Variants in PSD3 observed in about 807,000 individuals in gnomAD.
The protein encoded by PSD3 is PH and SEC7 domain-containing protein 3.
PSD3 carries 49 observed loss-of-function variants against 105.5 expected under a neutral mutation model. The ratio of observed to expected loss-of-function variants is 0.46; its 90% CI spans 0.37 to 0.59. The LOEUF (loss-of-function observed/expected upper bound fraction) is 0.59, where lower values mean the gene tolerates loss of function less well. PSD3 is among the 20% of genes least tolerant of loss of function. PSD3 has a pLI of 0.00. For missense variants in PSD3, 1,561 were observed against 1,263.8 expected (o/e 1.24, Z -3.57); for synonymous variants, 557 against 457.8 (o/e 1.22, Z -2.77).
intron 1 of PSD3, among the ~76,000 whole-genome samples, chr8:19,054,170 A>G (rs900995632): frequency 6.6e-6 from 1 of 152,180 alleles, no homozygotes; most frequent in Non-Finnish European, 1.5e-5. Context: ...TGGAAGCTAC[A>G]TGTTGAATTG....
At chr8:18,844,832 C>A (rs558065078) in intron 4 of PSD3, among the ~76,000 whole-genome samples, 1 of 152,190 alleles carries the variant, frequency 6.6e-6, no homozygotes, top group Non-Finnish European at 1.5e-5. Flanking sequence ...GAATAAGCTA[C>A]TCTGCATAGC....
At chr8:18,867,632 C>T (rs1446387318) in intron 4 of PSD3, 42 bp downstream of exon 4, 1 of 1,539,010 alleles carries the variant, frequency 6.5e-7, no homozygotes, top group Non-Finnish European at 8.7e-7. Flanking sequence ...AGAAATCCTA[C>T]AAAAACCACC....
chr8:18,681,796 C>T (rs771993663), intron 9 of PSD3, among the ~76,000 whole-genome samples: 1 of 151,928 alleles, frequency 6.6e-6, no homozygotes, highest in Non-Finnish European at 1.5e-5. Flanking sequence ...ACTAGATAAT[C>T]CTAAAAATAT....
At chr8:19,007,224 C>A (rs1304665317) in intron 1 of PSD3, among the ~76,000 whole-genome samples, 4 of 151,056 alleles carry the variant, frequency 2.6e-5, no homozygotes, top group African/African-American at 9.7e-5. Context: ...TGCACTCCAG[C>A]CTTGGCGACA....
At chr8:18,752,772 G>A (rs902568953) in intron 9 of PSD3, among the ~76,000 whole-genome samples, 5 of 143,264 alleles carry the variant, frequency 3.5e-5, no homozygotes, top group Admixed American at 7.5e-5. Context: ...ATAACCTTTC[G>A]AGATACGATT....
chr8:19,042,450 A>C lies in PSD3; in HGVS notation c.324+41756T>G, dbSNP rs186362383. 3.0e-3 allele frequency among the ~76,000 whole-genome samples: 451 copies of C among 152,356 alleles called. 8 individuals carry two copies. The highest frequency in any genetic ancestry group is 0.028 in the Admixed American group (425 of 15,302). ...AGGTCCATTATATAGAAAGTAAAGAAAATGATATGTAACAGAAGAACGTTA... is the reference window on the plus strand; with the variant it reads ...AGGTCCATTATATAGAAAGTAAAGACAATGATATGTAACAGAAGAACGTTA... On this transcript the variant is annotated intron_variant, in intron 1 of 1. Coordinates refer to the PSD3 transcript ENST00000521475.
chr8:18,613,765 T>C (rs1035820010), intron 11 of PSD3, among the ~76,000 whole-genome samples: 1 of 152,168 alleles, frequency 6.6e-6, no homozygotes, highest in Non-Finnish European at 1.5e-5. Context: ...CCTGCACCAC[T>C]GGCAACCTTG....
chr8:18,818,392 C>T (rs1030428720), intron 4 of PSD3, among the ~76,000 whole-genome samples: 1 of 151,804 alleles, frequency 6.6e-6, no homozygotes, highest in African/African-American at 2.4e-5. Flanking sequence ...TCTTACTTTG[C>T]CCTTTGATTT....
chr8:18,985,180 C>T (rs568571015), intron 1 of PSD3, among the ~76,000 whole-genome samples: 1 of 152,134 alleles, frequency 6.6e-6, no homozygotes, highest in Non-Finnish European at 1.5e-5. Flanking sequence ...ATGATCTGCC[C>T]GCCTTGACCT....
chr8:18,574,994 C>A, intron 13 of PSD3, 134 bp downstream of exon 13: 1 of 838,174 alleles, frequency 1.2e-6, no homozygotes. Flanking sequence ...GCAGTTATTT[C>A]TCTAATGTAA....
chr8:18,939,212 C>T lies in PSD3; in HGVS notation c.22-3070G>A, dbSNP rs141508746. On this transcript the variant is annotated intron_variant, in intron 1 of 15. Coordinates refer to ENST00000327040, the MANE Select transcript of PSD3 (RefSeq NM_015310.4). Reference sequence around the variant, plus strand: ...GAGCAAGGATTCTTAACCTCAGGTCCGTGGGGAAGCAATTGCCAATCAAGA... The same window carrying T: ...GAGCAAGGATTCTTAACCTCAGGTCTGTGGGGAAGCAATTGCCAATCAAGA... Among the ~76,000 whole-genome samples the T allele has an allele frequency of 3.9e-3, 601 of 152,204 alleles. 4 individuals carry two copies. Among genetic ancestry groups the T allele is most frequent in the Middle Eastern group, 0.014 (4 of 294 alleles).
intron 2 of PSD3, among the ~76,000 whole-genome samples, chr8:18,919,924 G>A (rs552340872): frequency 1.2e-4 from 18 of 149,234 alleles, no homozygotes; most frequent in Non-Finnish European, 2.4e-4. Flanking sequence ...TGGGTGCAGC[G>A]CACCAGCACG....
At chr8:19,011,997 G>C (rs1826974121) in intron 1 of PSD3, among the ~76,000 whole-genome samples, 1 of 152,198 alleles carries the variant, frequency 6.6e-6, no homozygotes. Context: ...GGTAGGGCTA[G>C]AAGGCTCTGA....
intron 1 of PSD3, among the ~76,000 whole-genome samples, chr8:19,045,684 A>C (rs970937777): frequency 2.0e-5 from 3 of 152,220 alleles, no homozygotes; most frequent in African/African-American, 7.2e-5. Flanking sequence ...AGGGGAAGGA[A>C]ATCCTAGAAA....
chr8:18,571,457 C>T (rs562016052), intron 14 of PSD3, among the ~76,000 whole-genome samples: 1 of 152,288 alleles, frequency 6.6e-6, no homozygotes, highest in African/African-American at 2.4e-5. Context: ...TCCTCCTTCA[C>T]CTCCAAGGCC....
intron 9 of PSD3, among the ~76,000 whole-genome samples, chr8:18,762,451 T>A (rs1490270315): frequency 6.6e-6 from 1 of 152,200 alleles, no homozygotes; most frequent in Non-Finnish European, 1.5e-5. Context: ...GTATCAGGTA[T>A]TTGTTTGCAG....
At chr8:19,077,518 C>A (rs1156979676) in intron 1 of PSD3, among the ~76,000 whole-genome samples, 1 of 152,168 alleles carries the variant, frequency 6.6e-6, no homozygotes, top group Admixed American at 6.5e-5. Flanking sequence ...CTGACAACGT[C>A]AACTCCATGT....
intron 2 of PSD3, among the ~76,000 whole-genome samples, chr8:18,874,829 G>A (rs1461221062): frequency 3.3e-5 from 5 of 151,808 alleles, no homozygotes; most frequent in South Asian, 2.1e-4. Flanking sequence ...TTGAACACAC[G>A]GTATCCCCCA....
At position 18,933,227 on chromosome 8, in the gene PSD3, T is replaced by C. The variant is rs1182290703; in HGVS notation, c.130+2807A>G. On this transcript the variant is annotated intron_variant, in intron 2 of 15. Coordinates refer to ENST00000327040, the MANE Select transcript of PSD3 (RefSeq NM_015310.4). ...AAAGGTTTAAGGTGTCATTTTGGTT[T>C]GCCTCGGCTATGATATATCTGAGCT... 2.0e-5 allele frequency among the ~76,000 whole-genome samples: 3 copies of C among 152,216 alleles called. No individual in the cohort carries two copies. The East Asian group carries it at 5.8e-4, about 29-fold the overall frequency.
Sources: allele counts gnomAD v4.1 joint callset (sites outside exome capture counted in the v4.1 genomes callset), GRCh38; gene constraint gnomAD v4.1.1; transcripts MANE v1.5; gene names NCBI Gene and HGNC (gene_info 2026-07-23, HGNC 2026-07-21).